Variants in STK3 observed in about 807,000 individuals in gnomAD.
The protein encoded by STK3 is serine/threonine-protein kinase 3.
A neutral mutation model predicts 58.0 loss-of-function variants in STK3; 41 were observed. That is an observed-to-expected ratio of 0.71 (90% CI 0.55 to 0.92). The LOEUF (loss-of-function observed/expected upper bound fraction) is 0.92. Ranked by LOEUF, STK3 falls within the 40% of genes least tolerant of loss-of-function variation. The probability of loss-of-function intolerance (pLI) is 0.00; values close to 1 mark genes in which losing one functional copy is unlikely to be tolerated. For synonymous variants in STK3, 170 were observed against 191.0 expected, an observed-to-expected ratio of 0.89 and a Z score of 0.91; for missense variants, 479 against 602.7, an observed-to-expected ratio of 0.79 and a Z score of 2.15.
At chr8:98,660,447 G>T (rs947720295) in intron 6 of STK3, among the ~76,000 whole-genome samples, 14 of 152,006 alleles carry the variant, frequency 9.2e-5, no homozygotes, top group Admixed American at 3.3e-4. Context: ...CTTTTTAAAA[G>T]AATGTAAAGT....
At chr8:98,741,613 T>C (rs569940196) in intron 4 of STK3, among the ~76,000 whole-genome samples, 1 of 152,248 alleles carries the variant, frequency 6.6e-6, no homozygotes, top group East Asian at 1.9e-4. Context: ...GAGGGAAATT[T>C]ATAGCACTAA....
At chr8:98,397,827 G>A (rs977169886), downstream of STK3, among the ~76,000 whole-genome samples, 4 of 152,098 alleles carry the variant, frequency 2.6e-5, no homozygotes, top group Admixed American at 6.5e-5. Context: ...GCAGTTGCCC[G>A]CTTGTTCTCT....
intron 1 of STK3, among the ~76,000 whole-genome samples, chr8:98,911,155 CA>C (rs1422627983): frequency 1.3e-5 from 2 of 152,184 alleles, no homozygotes; most frequent in East Asian, 3.8e-4. Context: ...ATCTTGTAAG[CA>C]AACTCTAGTT....
At chr8:98,932,434 A>G (rs1336501621) in intron 1 of STK3, among the ~76,000 whole-genome samples, 1 of 152,216 alleles carries the variant, frequency 6.6e-6, no homozygotes, top group Admixed American at 6.5e-5. Flanking sequence ...GAGCAAGTCA[A>G]GTATATAACC....
intron 1 of STK3, among the ~76,000 whole-genome samples, chr8:98,387,664 C>T (rs1817803306): frequency 1.3e-5 from 2 of 152,144 alleles, no homozygotes; most frequent in Admixed American, 6.5e-5. Flanking sequence ...AGGAGAATCG[C>T]TTGAACCTGG....
intron 2 of STK3, among the ~76,000 whole-genome samples, chr8:98,375,281 C>CA (rs565803495): frequency 0.014 from 1,166 of 85,062 alleles, 10 homozygotes; most frequent in Middle Eastern, 0.072. Context: ...CAAAAAAAAA[C>CA]AAAAAAAAAA....
chr8:98,910,604 T>C (rs1316971906), intron 1 of STK3, among the ~76,000 whole-genome samples: 1 of 152,248 alleles, frequency 6.6e-6, no homozygotes, highest in Admixed American at 6.5e-5. Flanking sequence ...TGGATATATG[T>C]GGTACATTAC....
chr8:98,440,942 T>A (rs1818672435), intron 1 of STK3, among the ~76,000 whole-genome samples: 1 of 152,188 alleles, frequency 6.6e-6, no homozygotes, highest in Non-Finnish European at 1.5e-5. Flanking sequence ...AAATGAGGGT[T>A]CCCGTTGCCT....
intron 10 of STK3, among the ~76,000 whole-genome samples, chr8:98,476,042 A>G (rs938437471): frequency 1.3e-5 from 2 of 152,236 alleles, no homozygotes; most frequent in African/African-American, 4.8e-5. Context: ...AGGCAAAGGT[A>G]GGGATACTGG....
intron 6 of STK3, among the ~76,000 whole-genome samples, chr8:98,625,182 G>A (rs1162240538): frequency 1.3e-5 from 2 of 152,094 alleles, no homozygotes; most frequent in South Asian, 2.1e-4. Context: ...AGTGTATCTT[G>A]AAAGAAGGCG....
At chr8:98,559,288 C>T (rs1486390650) in intron 8 of STK3, among the ~76,000 whole-genome samples, 1 of 152,064 alleles carries the variant, frequency 6.6e-6, no homozygotes, top group Non-Finnish European at 1.5e-5. Context: ...TGCTGTGTGC[C>T]AGGCAAGTGT....
chr8:98,593,119 G>C (rs1815480267), intron 7 of STK3, among the ~76,000 whole-genome samples: 1 of 152,108 alleles, frequency 6.6e-6, no homozygotes, highest in Non-Finnish European at 1.5e-5. Context: ...ATCATCTTCA[G>C]ATCAGGAACT....
intron 10 of STK3, among the ~76,000 whole-genome samples, chr8:98,515,205 T>C (rs1447629544): frequency 2.0e-5 from 3 of 152,210 alleles, no homozygotes; most frequent in Non-Finnish European, 2.9e-5. Flanking sequence ...AAAAACAAGT[T>C]TGATAAGAGT....
At chr8:98,731,235 G>C (rs905177145) in intron 4 of STK3, among the ~76,000 whole-genome samples, 1 of 152,144 alleles carries the variant, frequency 6.6e-6, no homozygotes, top group Admixed American at 6.5e-5. Context: ...AGGACTCCAA[G>C]CTTAGAACCA....
chr8:98,909,631 C>CT (rs1839055986), intron 1 of STK3, among the ~76,000 whole-genome samples: 1 of 152,200 alleles, frequency 6.6e-6, no homozygotes, highest in African/African-American at 2.4e-5. Flanking sequence ...TGACTGGCTT[C>CT]TTTCACTTGG....
At chr8:98,461,123 CT>C (rs1450821411) in intron 10 of STK3, among the ~76,000 whole-genome samples, 2 of 152,150 alleles carry the variant, frequency 1.3e-5, no homozygotes, top group Admixed American at 6.5e-5. Flanking sequence ...GCACCTATCT[CT>C]TTTCTTAGAT....
chr8:98,633,195 ATAAAG>A (rs1819385145), intron 6 of STK3, among the ~76,000 whole-genome samples: 1 of 152,212 alleles, frequency 6.6e-6, no homozygotes, highest in South Asian at 2.1e-4. Flanking sequence ...AAATGCAGGC[ATAAAG>A]TAACACTTAG....
chr8:98,653,334 T>A (rs946307315), intron 6 of STK3, among the ~76,000 whole-genome samples: 1 of 151,916 alleles, frequency 6.6e-6, no homozygotes. Flanking sequence ...TTCAAAGCAG[T>A]GTGTAGAGGG....
At chr8:98,903,559 T>TCTTCTTCTTC (rs1234506460) in intron 1 of STK3, among the ~76,000 whole-genome samples, 5 of 87,178 alleles carry the variant, frequency 5.7e-5, no homozygotes, top group African/African-American at 2.0e-4. Context: ...TCTTCTTCCT[T>TCTTCTTCTTC]TTTTTTTTTT....
Sources: allele counts gnomAD v4.1 joint callset (sites outside exome capture counted in the v4.1 genomes callset), GRCh38; gene constraint gnomAD v4.1.1; transcripts MANE v1.5; gene names NCBI Gene and HGNC (gene_info 2026-07-23, HGNC 2026-07-21).